Variants in RHBDD1 observed in about 807,000 individuals in gnomAD.
RHBDD1 encodes the protein rhomboid-related protein 4.
A neutral mutation model predicts 36.3 loss-of-function variants in RHBDD1; 38 were observed. The observed-to-expected ratio is 1.05, with a 90% CI of 0.81 to 1.37. The LOEUF (loss-of-function observed/expected upper bound fraction) is 1.37, where lower values mean the gene tolerates loss of function less well. Ranked by LOEUF, RHBDD1 falls within the 40% of genes most tolerant of loss-of-function variation. RHBDD1 has a pLI of 0.00. For missense variants in RHBDD1, 393 were observed against 377.6 expected, an observed-to-expected ratio of 1.04 and a Z score of -0.34; for synonymous variants, 151 against 136.5, an observed-to-expected ratio of 1.11 and a Z score of -0.74.
chr2:226,815,540 AT>A, the RHBDD1 span, among the ~76,000 whole-genome samples: 3 of 152,234 alleles, frequency 2.0e-5, no homozygotes, highest in Admixed American at 6.5e-5. Context: ...ATATAAAAGT[AT>A]TTTAGACAGT....
chr2:226,817,790 C>G, the RHBDD1 span, among the ~76,000 whole-genome samples: 12 of 152,184 alleles, frequency 7.9e-5, no homozygotes, highest in Non-Finnish European at 1.0e-4. Context: ...GGGGTGCTCA[C>G]GCAAAGTTAG....
chr2:226,974,203 G>T (rs1422937856), intron 8 of RHBDD1, among the ~76,000 whole-genome samples: 2 of 151,616 alleles, frequency 1.3e-5, no homozygotes, highest in Admixed American at 1.3e-4. Flanking sequence ...TGAGCCCAGA[G>T]TGTTGTATGG....
In RHBDD1 at chr2:226,996,152, A is replaced by C. The variant is rs934685907; in HGVS notation, c.*630A>C. ...TATTGAAGAAGTGTAAGAAAGACCT[A>C]AGGTGGGGAAGACTCCTACACACAC... On this transcript the variant is annotated 3_prime_UTR_variant, in exon 9 of 9. Coordinates refer to ENST00000392062, the MANE Select transcript of RHBDD1 (RefSeq NM_001167608.3). The C allele has an allele frequency of 2.6e-5, 4 of 152,722 alleles. No individual in the cohort carries two copies. Among genetic ancestry groups the C allele is most frequent in the African/African-American group, 9.6e-5 (4 of 41,452 alleles). 9.5% of individuals were successfully genotyped at this position (152,722 alleles called of 1,614,324 possible).
Position 226,888,736 on chromosome 2 carries a change from A to G in RHBDD1, c.567-18057A>G, listed in dbSNP as rs141688403. Among the ~76,000 whole-genome samples, 424 of 152,274 alleles carry G rather than the reference A, an allele frequency of 2.8e-3. 3 individuals carry two copies. Among genetic ancestry groups the G allele is most frequent in the African/African-American group, 9.6e-3 (397 of 41,568 alleles). On this transcript the variant is annotated intron_variant, in intron 5 of 8. Transcript: ENST00000392062. ...GGCAGTGAAGAACTCTGGTTTTTCT[A>G]AAGGGAGACACATTTTCTTTTTTAT...
chr2:226,918,158 C>T (rs1416407186), intron 8 of RHBDD1, among the ~76,000 whole-genome samples: 2 of 151,862 alleles, frequency 1.3e-5, no homozygotes, highest in African/African-American at 4.8e-5. Flanking sequence ...TTAGTTTGTT[C>T]ATCTCACTAC....
intron 5 of RHBDD1, among the ~76,000 whole-genome samples, chr2:226,875,586 C>A (rs1472412613): frequency 6.6e-6 from 1 of 151,994 alleles, no homozygotes; most frequent in East Asian, 1.9e-4. Context: ...AATAGAGGAA[C>A]AGAAAAGGAA....
At chr2:226,934,562 A>G (rs1013181081) in intron 8 of RHBDD1, among the ~76,000 whole-genome samples, 4 of 152,160 alleles carry the variant, frequency 2.6e-5, no homozygotes, top group Non-Finnish European at 5.9e-5. Flanking sequence ...CCTAAAGATC[A>G]TGCCAGGAAT....
chr2:226,906,620 G>T, intron 5 of RHBDD1, 173 bp from the exon 6 acceptor site: 1 of 1,383,246 alleles, frequency 7.2e-7, no homozygotes. Context: ...TTTTTTTTAA[G>T]GTAGGAGATG....
At chr2:226,833,194 T>G (rs1940785652), upstream of RHBDD1, among the ~76,000 whole-genome samples, 1 of 152,224 alleles carries the variant, frequency 6.6e-6, no homozygotes, top group African/African-American at 2.4e-5. Context: ...TTTCCATAAC[T>G]AGAAAGCTAT....
At chr2:226,932,884 C>T (rs1466468482) in intron 8 of RHBDD1, among the ~76,000 whole-genome samples, 6 of 152,000 alleles carry the variant, frequency 3.9e-5, no homozygotes, top group African/African-American at 9.7e-5. Context: ...TCTGCTAGTC[C>T]GTTCTCACAC....
At chr2:226,854,323 T>G (rs1943111803) in intron 3 of RHBDD1, among the ~76,000 whole-genome samples, 1 of 152,092 alleles carries the variant, frequency 6.6e-6, no homozygotes, top group Non-Finnish European at 1.5e-5. Context: ...CCGGGCGTGG[T>G]GGCTCACACC....
chr2:226,831,896 T>C (rs967899280), upstream of RHBDD1, among the ~76,000 whole-genome samples: 2 of 152,074 alleles, frequency 1.3e-5, no homozygotes, highest in African/African-American at 4.8e-5. Context: ...CCTGTTTTGA[T>C]TCCTAATTTT....
At chr2:226,990,204 G>A (rs1957873327) in intron 8 of RHBDD1, among the ~76,000 whole-genome samples, 1 of 152,094 alleles carries the variant, frequency 6.6e-6, no homozygotes, top group Non-Finnish European at 1.5e-5. Context: ...GTCCCTTCAG[G>A]CCTTTTTGGT....
chr2:226,918,305 G>A (rs1335618016), intron 8 of RHBDD1, among the ~76,000 whole-genome samples: 2 of 151,594 alleles, frequency 1.3e-5, no homozygotes, highest in Non-Finnish European at 3.0e-5. Context: ...TCAAGCATTT[G>A]TCCTTTCTTT....
chr2:226,821,992 G>T, the RHBDD1 span, among the ~76,000 whole-genome samples: 2 of 152,076 alleles, frequency 1.3e-5, no homozygotes, highest in African/African-American at 4.8e-5. Flanking sequence ...GTTTCAGGGG[G>T]TTTGAATGAC....
chr2:226,837,272 A>G (rs1941079955), intron 1 of RHBDD1, among the ~76,000 whole-genome samples: 1 of 152,234 alleles, frequency 6.6e-6, no homozygotes, highest in African/African-American at 2.4e-5. Flanking sequence ...ACTTATTAGA[A>G]CTGCATAAAA....
chr2:226,884,355 C>G (rs370313319), intron 5 of RHBDD1, among the ~76,000 whole-genome samples: 1 of 152,068 alleles, frequency 6.6e-6, no homozygotes, highest in African/African-American at 2.4e-5. Context: ...ATCAATTATT[C>G]TGTGATAACC....
intron 8 of RHBDD1, chr2:226,988,601 T>A: frequency 7.3e-7 from 1 of 1,361,472 alleles, no homozygotes; most frequent in South Asian, 2.1e-5. Flanking sequence ...GGCCGGGGGC[T>A]CCAGCTGCCC....
chr2:226,966,111 A>G (rs1014396447), intron 8 of RHBDD1, among the ~76,000 whole-genome samples: 5 of 152,186 alleles, frequency 3.3e-5, no homozygotes, highest in Non-Finnish European at 7.3e-5. Context: ...CATAAAAACC[A>G]TATGATTGTC....
Sources: gnomAD v4.1 joint callset for allele counts (sites outside exome capture counted in the v4.1 genomes callset) on GRCh38, gnomAD v4.1.1 for gene constraint, MANE v1.5 for transcripts, NCBI Gene and HGNC (gene_info 2026-07-23, HGNC 2026-07-21) for gene names.